DACH1: variants seen among roughly 807,000 people sequenced by gnomAD.
The protein encoded by DACH1 is dachshund homolog 1.
Under a neutral mutation model 54.2 loss-of-function variants are expected in DACH1, and 12 were observed. The ratio of observed to expected loss-of-function variants is 0.22; its 90% CI spans 0.14 to 0.36. DACH1 has a LOEUF of 0.36. Ranked by LOEUF, DACH1 falls within the 10% of genes least tolerant of loss-of-function variation. The pLI, the probability that DACH1 is intolerant of heterozygous loss-of-function variation, is 1.00. For synonymous variants in DACH1, 386 were observed against 366.2 expected, an observed-to-expected ratio of 1.05 and a Z score of -0.62; for missense variants, 805 against 929.8, an observed-to-expected ratio of 0.87 and a Z score of 1.75.
At chr13:71,718,274 C>G (rs1011447731) in intron 1 of DACH1, among the ~76,000 whole-genome samples, 1 of 151,866 alleles carries the variant, frequency 6.6e-6, no homozygotes, top group South Asian at 2.1e-4. Flanking sequence ...AAGAGCATAA[C>G]AGTTAGACTT....
chr13:71,838,090 G>A (rs971042383), intron 1 of DACH1, among the ~76,000 whole-genome samples: 4 of 146,476 alleles, frequency 2.7e-5, no homozygotes, highest in African/African-American at 1.0e-4. Context: ...TCAAAACCAT[G>A]TTGATACTGC....
rs1303556802 is a variant in DACH1, at chr13:71,578,674, A to G, written c.1127-5662T>C. Reference sequence around the variant, plus strand: ...GGTTTGACTTTATCACACTACTAAAATGAGAAAAGAAGAAATCTTCTAGGG... The same window carrying G: ...GGTTTGACTTTATCACACTACTAAAGTGAGAAAAGAAGAAATCTTCTAGGG... On this transcript the variant is annotated intron_variant, in intron 3 of 10. Coordinates refer to ENST00000613252, the MANE Select transcript of DACH1 (RefSeq NM_080759.6). 2.0e-5 allele frequency among the ~76,000 whole-genome samples: 3 copies of G among 152,304 alleles called. No homozygotes were observed. The East Asian group carries it at 5.8e-4, about 29-fold the overall frequency.
intron 2 of DACH1, among the ~76,000 whole-genome samples, chr13:71,670,545 A>C (rs1880146614): frequency 6.6e-6 from 1 of 152,126 alleles, no homozygotes; most frequent in South Asian, 2.1e-4. Flanking sequence ...ACATTTCATA[A>C]CCAAATTTCA....
At chr13:71,468,882 A>C (rs1287335368) in intron 10 of DACH1, among the ~76,000 whole-genome samples, 3 of 152,226 alleles carry the variant, frequency 2.0e-5, no homozygotes, top group Non-Finnish European at 4.4e-5. Context: ...TAATATAGGC[A>C]CAATGGCTGA....
intron 1 of DACH1, among the ~76,000 whole-genome samples, chr13:71,699,674 G>T (rs1193734140): frequency 6.6e-6 from 1 of 152,150 alleles, no homozygotes; most frequent in Non-Finnish European, 1.5e-5. Flanking sequence ...AGATGTTATT[G>T]CATCAATCCA....
intron 6 of DACH1, among the ~76,000 whole-genome samples, chr13:71,515,261 A>G (rs551412975): frequency 1.1e-4 from 17 of 152,040 alleles, no homozygotes; most frequent in African/African-American, 3.4e-4. Flanking sequence ...CTGTAAGTGC[A>G]AGTAAAGTCA....
intron 6 of DACH1, among the ~76,000 whole-genome samples, chr13:71,530,242 A>C (rs1456497823): frequency 6.6e-6 from 1 of 152,210 alleles, no homozygotes; most frequent in African/African-American, 2.4e-5. Context: ...AACCACAAAT[A>C]AGGCTCTCTT....
rs35136330 is a variant in DACH1 at position 71,864,214 on chromosome 13, C to CACACACACA, written c.848+1707_848+1708insTGTGTGTGT. Among the ~76,000 whole-genome samples, 302 of 113,310 alleles carry CACACACACA rather than the reference C, an allele frequency of 2.7e-3. 1 individual carries two copies. Among genetic ancestry groups the CACACACACA allele is most frequent in the East Asian group, 0.013 (21 of 1,676 alleles). 74.3% of individuals were successfully genotyped at this position (113,310 alleles called of 152,430 possible). On this transcript the variant is annotated intron_variant, in intron 1 of 10. Transcript: ENST00000613252. ...ACACACACACACACACACACACACA[C>CACACACACA]AACATTTACCCCAAAATAGTCGAAG...
At chr13:71,581,945 T>C (rs1042913424) in intron 3 of DACH1, among the ~76,000 whole-genome samples, 1 of 152,166 alleles carries the variant, frequency 6.6e-6, no homozygotes, top group African/African-American at 2.4e-5. Flanking sequence ...GTAATAGTCA[T>C]GCAGAGATTG....
At chr13:71,786,960 G>C (rs1213389378) in intron 1 of DACH1, among the ~76,000 whole-genome samples, 1 of 152,126 alleles carries the variant, frequency 6.6e-6, no homozygotes, top group Non-Finnish European at 1.5e-5. Flanking sequence ...CATCAGCAGG[G>C]AAGGCAGGCA....
chr13:71,806,359 T>A (rs973795636), intron 1 of DACH1, among the ~76,000 whole-genome samples: 1 of 152,208 alleles, frequency 6.6e-6, no homozygotes, highest in Non-Finnish European at 1.5e-5. Flanking sequence ...TACAGTTTCC[T>A]TTTGATATGT....
chr13:71,675,166 G>C (rs1468049514), intron 2 of DACH1: 5 of 1,583,018 alleles, frequency 3.2e-6, no homozygotes, highest in East Asian at 2.2e-5. Flanking sequence ...CTCTACTGGA[G>C]GGGTGAAGAA....
intron 6 of DACH1, among the ~76,000 whole-genome samples, chr13:71,555,388 G>A (rs1352427454): frequency 2.0e-5 from 3 of 151,562 alleles, no homozygotes; most frequent in African/African-American, 7.3e-5. Flanking sequence ...CTGTCACCCG[G>A]GCTGCAGTGC....
At chr13:71,441,402 AC>A (rs1873996129) in intron 10 of DACH1, among the ~76,000 whole-genome samples, 1 of 152,012 alleles carries the variant, frequency 6.6e-6, no homozygotes, top group African/African-American at 2.4e-5. Context: ...AAAAGTCCAA[AC>A]CAAAAATAAA....
intron 1 of DACH1, among the ~76,000 whole-genome samples, chr13:71,804,374 A>T (rs1369315858): frequency 6.6e-6 from 1 of 152,088 alleles, no homozygotes; most frequent in Non-Finnish European, 1.5e-5. Context: ...AATGCACCCA[A>T]GACATTCCTC....
intron 2 of DACH1, chr13:71,675,211 C>T (rs1321553348): frequency 1.9e-6 from 3 of 1,571,106 alleles, no homozygotes; most frequent in Admixed American, 1.7e-5. Context: ...TGTGGCGCTC[C>T]GTGAAGTTAG....
Position 71,511,857 on chromosome 13 carries a change from C to G in DACH1, c.1571-22709G>C, listed in dbSNP as rs111241738. 3.1e-3 allele frequency among the ~76,000 whole-genome samples: 467 copies of G among 151,976 alleles called. 1 individual carries two copies. The highest frequency in any genetic ancestry group is 6.8e-3 in the Middle Eastern group (2 of 294). On this transcript the variant is annotated intron_variant, in intron 6 of 10. Transcript: ENST00000613252. Reference sequence around the variant, plus strand: ...TTTCAGCAGAAGGAGTAATACAAGGCATATTAAGCTAGGAGATTTAACAAA... The same window carrying G: ...TTTCAGCAGAAGGAGTAATACAAGGGATATTAAGCTAGGAGATTTAACAAA...
intron 1 of DACH1, among the ~76,000 whole-genome samples, chr13:71,712,430 C>T (rs1882763213): frequency 6.6e-6 from 1 of 152,004 alleles, no homozygotes; most frequent in Non-Finnish European, 1.5e-5. Context: ...AGCTATACTG[C>T]TTTAGCTGTA....
chr13:71,616,608 T>C (rs1243494536), intron 3 of DACH1, among the ~76,000 whole-genome samples: 4 of 152,008 alleles, frequency 2.6e-5, no homozygotes, highest in African/African-American at 9.7e-5. Context: ...TGGTGGCATA[T>C]GCCTGTAGTC....
Sources: allele counts gnomAD v4.1 joint callset (sites outside exome capture counted in the v4.1 genomes callset), GRCh38; gene constraint gnomAD v4.1.1; transcripts MANE v1.5; gene names NCBI Gene and HGNC (gene_info 2026-07-23, HGNC 2026-07-21).